SDK1: variants seen among roughly 807,000 people sequenced by gnomAD.
SDK1 encodes the protein sidekick cell adhesion molecule 1, also known as protein sidekick-1.
In SDK1, 157 loss-of-function variants were observed where a neutral mutation model predicts 245.5. The observed-to-expected ratio is 0.64, with a 90% confidence interval of 0.56 to 0.73. The LOEUF (loss-of-function observed/expected upper bound fraction) is 0.73. Among genes scored for constraint, SDK1 ranks in the 30% least tolerant of loss-of-function variants. The pLI, the probability that SDK1 is intolerant of heterozygous loss-of-function variation, is 0.00. For synonymous variants in SDK1, 1,647 were observed against 1,278.5 expected (o/e 1.29, Z -6.15); for missense variants, 3,583 against 3,002.3 (o/e 1.19, Z -4.52).
intron 13 of SDK1, among the ~76,000 whole-genome samples, chr7:3,985,688 G>A (rs1027660311): frequency 6.6e-6 from 1 of 152,162 alleles, no homozygotes; most frequent in African/African-American, 2.4e-5. Context: ...CACAATTAAA[G>A]AGAAAACAAG....
chr7:3,574,636 G>T (rs575851666), intron 1 of SDK1, among the ~76,000 whole-genome samples: 4 of 152,072 alleles, frequency 2.6e-5, no homozygotes, highest in Non-Finnish European at 5.9e-5. Context: ...ATCCCAGTCC[G>T]CATCATTCCC....
intron 32 of SDK1, among the ~76,000 whole-genome samples, chr7:4,167,093 A>G (rs934389497): frequency 6.6e-6 from 1 of 152,094 alleles, no homozygotes; most frequent in Non-Finnish European, 1.5e-5. Flanking sequence ...CACTCCTACC[A>G]GGTCATTTGC....
At chr7:3,332,570 C>A (rs898266831) in intron 1 of SDK1, among the ~76,000 whole-genome samples, 2 of 152,044 alleles carry the variant, frequency 1.3e-5, no homozygotes, top group Non-Finnish European at 2.9e-5. Context: ...ACTTTTATTG[C>A]CATTTATAAT....
chr7:3,445,927 G>C (rs183093074), intron 1 of SDK1, among the ~76,000 whole-genome samples: 4 of 151,496 alleles, frequency 2.6e-5, no homozygotes, highest in East Asian at 1.9e-4. Flanking sequence ...ACATATTCTT[G>C]AGGGTCGGTC....
At chr7:3,735,423 T>C (rs1024613323) in intron 4 of SDK1, among the ~76,000 whole-genome samples, 1 of 152,216 alleles carries the variant, frequency 6.6e-6, no homozygotes, top group Non-Finnish European at 1.5e-5. Context: ...GAGAGTATTT[T>C]GACTTTGTGT....
chr7:4,216,177 G>T (rs1784783383), intron 38 of SDK1, among the ~76,000 whole-genome samples: 1 of 152,248 alleles, frequency 6.6e-6, no homozygotes, highest in Non-Finnish European at 1.5e-5. Context: ...GTGGGAGGAT[G>T]CCGGGATAGC....
At chr7:3,809,441 G>C (rs76686357) in intron 4 of SDK1, among the ~76,000 whole-genome samples, 2,292 of 152,270 alleles carry the variant, frequency 0.015, 52 homozygotes, top group African/African-American at 0.052. Context: ...CTGTGCTCGA[G>C]GTGCTGTGAG....
intron 4 of SDK1, among the ~76,000 whole-genome samples, chr7:3,777,695 C>G (rs951594017): frequency 6.6e-6 from 1 of 152,182 alleles, no homozygotes; most frequent in African/African-American, 2.4e-5. Context: ...CTTAAAACTT[C>G]CCATGCCACA....
intron 4 of SDK1, among the ~76,000 whole-genome samples, chr7:3,712,811 G>T (rs1397502814): frequency 6.6e-6 from 1 of 152,224 alleles, no homozygotes; most frequent in African/African-American, 2.4e-5. Flanking sequence ...AAGGAGCAGA[G>T]TCTAAATGTG....
At chr7:4,154,328 A>C (rs1233460314) in intron 30 of SDK1, among the ~76,000 whole-genome samples, 2 of 152,214 alleles carry the variant, frequency 1.3e-5, no homozygotes, top group Non-Finnish European at 2.9e-5. Flanking sequence ...TCAGAGAGTG[A>C]GGGTCCTGTA....
chr7:3,644,354 C>T (rs1490250622), intron 4 of SDK1, among the ~76,000 whole-genome samples: 6 of 151,252 alleles, frequency 4.0e-5, no homozygotes, highest in Admixed American at 4.0e-4. Flanking sequence ...TATTTAATTA[C>T]AAGTTACTTA....
chr7:3,905,420 T>A (rs1260937579), intron 5 of SDK1, among the ~76,000 whole-genome samples: 1 of 152,206 alleles, frequency 6.6e-6, no homozygotes, highest in Admixed American at 6.5e-5. Context: ...TTTGACACTT[T>A]TGTTACATTT....
chr7:3,383,762 A>G (rs1190962370), intron 1 of SDK1, among the ~76,000 whole-genome samples: 2 of 152,240 alleles, frequency 1.3e-5, no homozygotes, highest in Non-Finnish European at 2.9e-5. Flanking sequence ...TCTTTGATGC[A>G]TAGAGCCTAT....
rs28582747 is a variant in SDK1, at chr7:3,657,330, C to A, written c.713+15225C>A. ...TCTGGAGGTGCTGTCACAGTTGGCA[C>A]CCAGTGTCTACAGGGTGGGTTCCCT... On this transcript the variant is annotated intron_variant, in intron 4 of 44. Coordinates refer to ENST00000404826, the MANE Select transcript of SDK1 (RefSeq NM_152744.4). 5.4e-3 allele frequency among the ~76,000 whole-genome samples: 828 copies of A among 152,256 alleles called. 8 individuals are homozygous for A. The highest frequency in any genetic ancestry group is 0.017 in the African/African-American group (725 of 41,542).
intron 5 of SDK1, among the ~76,000 whole-genome samples, chr7:3,895,630 G>C (rs1291436193): frequency 6.9e-6 from 1 of 145,274 alleles, no homozygotes; most frequent in Non-Finnish European, 1.5e-5. Context: ...CTGTCCTGAG[G>C]CTTCTTCTTC....
intron 1 of SDK1, among the ~76,000 whole-genome samples, chr7:3,551,790 C>A (rs1053205014): frequency 6.6e-6 from 1 of 151,910 alleles, no homozygotes; most frequent in Non-Finnish European, 1.5e-5. Flanking sequence ...GTGTTTCCAC[C>A]CTGGCCTCCC....
chr7:4,042,780 T>C (rs967006277), intron 17 of SDK1, among the ~76,000 whole-genome samples: 1 of 152,164 alleles, frequency 6.6e-6, no homozygotes, highest in African/African-American at 2.4e-5. Context: ...CCCTCAATAA[T>C]TAAGACCTTT....
intron 1 of SDK1, among the ~76,000 whole-genome samples, chr7:3,506,197 G>C (rs1443483401): frequency 1.3e-5 from 2 of 151,736 alleles, no homozygotes; most frequent in African/African-American, 4.8e-5. Context: ...GATTTTGTTT[G>C]CTTGAAAAAA....
chr7:4,115,787 C>T (rs780448320), intron 25 of SDK1, among the ~76,000 whole-genome samples: 4 of 152,216 alleles, frequency 2.6e-5, no homozygotes, highest in Non-Finnish European at 5.9e-5. Context: ...TGCAAAGAGA[C>T]AGTCCCCCTG....
Sources: gnomAD v4.1 joint callset for allele counts (sites outside exome capture counted in the v4.1 genomes callset) on GRCh38, gnomAD v4.1.1 for gene constraint, MANE v1.5 for transcripts, NCBI Gene and HGNC (gene_info 2026-07-23, HGNC 2026-07-21) for gene names.